FHIP1A: variants seen among roughly 807,000 people sequenced by gnomAD.
FHIP1A encodes FHF complex subunit HOOK interacting protein 1A.
In FHIP1A, 61 loss-of-function variants were observed where a neutral mutation model predicts 88.6. The ratio of observed to expected loss-of-function variants is 0.69; its 90% CI spans 0.56 to 0.85. The LOEUF is 0.85. Ranked by LOEUF, FHIP1A falls within the 40% of genes least tolerant of loss-of-function variation. FHIP1A has a pLI of 0.00. For missense variants in FHIP1A, 1,154 were observed against 1,273.5 expected (o/e 0.91, Z 1.43); for synonymous variants, 478 against 496.0 (o/e 0.96, Z 0.48).
chr4:151,491,653 C>T (rs1003139702), intron 3 of FHIP1A, among the ~76,000 whole-genome samples: 2 of 151,780 alleles, frequency 1.3e-5, no homozygotes, highest in African/African-American at 2.4e-5. Context: ...TCAATACTAA[C>T]GTTGAGCGTA....
At chr4:151,418,189 A>AAAAT (rs2126514877) in intron 1 of FHIP1A, among the ~76,000 whole-genome samples, 1 of 151,400 alleles carries the variant, frequency 6.6e-6, no homozygotes, top group East Asian at 1.9e-4. Context: ...AAAAAAAAAA[A>AAAAT]AAAAAACAAG....
intron 3 of FHIP1A, among the ~76,000 whole-genome samples, chr4:151,501,929 C>T (rs1032715191): frequency 2.6e-5 from 4 of 150,978 alleles, no homozygotes; most frequent in Non-Finnish European, 4.4e-5. Context: ...CAGAAATGGA[C>T]AGAAACTATC....
At position 151,588,942 on chromosome 4, in the gene FHIP1A, A is replaced by T; in HGVS notation, c.978+16A>T. ...TCTCCATAAGGTCAGTGATTGGCTC[A>T]TGTAATCTTCTGTCTCTATAATACA... On this transcript the variant is annotated intron_variant, in intron 7 of 13. Coordinates refer to ENST00000435205, the MANE Select transcript of FHIP1A (RefSeq NM_001109977.3). The T allele has an allele frequency of 6.8e-7, 1 of 1,477,846 alleles. No individual in the cohort carries two copies. The highest frequency in any genetic ancestry group is 1.2e-5 in the South Asian group (1 of 82,478). 91.5% of individuals were successfully genotyped at this position (1,477,846 alleles called of 1,614,324 possible).
chr4:151,644,891 G>T (rs200576108), intron 9 of FHIP1A, among the ~76,000 whole-genome samples: 1 of 152,146 alleles, frequency 6.6e-6, no homozygotes, highest in East Asian at 1.9e-4. Context: ...TTCACAGCTG[G>T]TGGGTTCACA....
intron 3 of FHIP1A, among the ~76,000 whole-genome samples, chr4:151,486,838 G>A (rs1459243886): frequency 6.6e-6 from 1 of 151,756 alleles, no homozygotes; most frequent in Non-Finnish European, 1.5e-5. Context: ...GTGGTGTCAG[G>A]CACCTGTAAT....
chr4:151,484,851 A>C (rs918606800), intron 3 of FHIP1A, among the ~76,000 whole-genome samples: 1 of 152,212 alleles, frequency 6.6e-6, no homozygotes, highest in Non-Finnish European at 1.5e-5. Flanking sequence ...AAAGAAGAGC[A>C]GTTATGGCAG....
chr4:151,433,028 A>G (rs143516647), intron 1 of FHIP1A, among the ~76,000 whole-genome samples: 27 of 152,220 alleles, frequency 1.8e-4, no homozygotes, highest in Non-Finnish European at 2.9e-4. Flanking sequence ...GGAAAGATAC[A>G]GCTTATTTTG....
At chr4:151,659,192 C>A (rs933406135) in intron 13 of FHIP1A, among the ~76,000 whole-genome samples, 2 of 152,174 alleles carry the variant, frequency 1.3e-5, no homozygotes, top group Non-Finnish European at 2.9e-5. Flanking sequence ...CTGTAAGAAT[C>A]TTCTCTCTGG....
intron 3 of FHIP1A, among the ~76,000 whole-genome samples, chr4:151,564,044 C>T (rs930035597): frequency 1.3e-5 from 2 of 152,178 alleles, no homozygotes; most frequent in African/African-American, 4.8e-5. Flanking sequence ...CTAGTAAGCT[C>T]ATGACATTGG....
chr4:151,653,810 T>G (rs1164311011), intron 11 of FHIP1A, among the ~76,000 whole-genome samples: 2 of 152,014 alleles, frequency 1.3e-5, no homozygotes, highest in East Asian at 3.9e-4. Flanking sequence ...ACAGGGGAAG[T>G]GCAGGAAGAG....
intron 7 of FHIP1A, among the ~76,000 whole-genome samples, chr4:151,595,270 A>T (rs1470648271): frequency 6.6e-6 from 1 of 152,114 alleles, no homozygotes; most frequent in African/African-American, 2.4e-5. Context: ...ATTCTGCCTT[A>T]ATTTCATTAT....
intron 1 of FHIP1A, among the ~76,000 whole-genome samples, chr4:151,418,585 T>G (rs1732988941): frequency 6.6e-6 from 1 of 152,216 alleles, no homozygotes; most frequent in South Asian, 2.1e-4. Context: ...TAACTCAACC[T>G]GCTGTTCTGA....
At chr4:151,519,227 C>T (rs1474616009) in intron 3 of FHIP1A, among the ~76,000 whole-genome samples, 1 of 152,170 alleles carries the variant, frequency 6.6e-6, no homozygotes, top group Non-Finnish European at 1.5e-5. Context: ...CCTTCTGACC[C>T]TTCCCAGTCA....
At chr4:151,573,749 G>C (rs190255989) in intron 4 of FHIP1A, among the ~76,000 whole-genome samples, 1 of 152,040 alleles carries the variant, frequency 6.6e-6, no homozygotes, top group Non-Finnish European at 1.5e-5. Context: ...GAAGGTAAAA[G>C]TTGGTATGTG....
intron 8 of FHIP1A, among the ~76,000 whole-genome samples, chr4:151,634,505 A>G (rs1160410360): frequency 1.3e-5 from 2 of 151,838 alleles, no homozygotes; most frequent in Non-Finnish European, 3.0e-5. Flanking sequence ...TTTCCTTAAA[A>G]CATATTACAA....
chr4:151,647,264 G>T (rs1429768535), intron 10 of FHIP1A, among the ~76,000 whole-genome samples: 2 of 152,168 alleles, frequency 1.3e-5, no homozygotes, highest in Admixed American at 1.3e-4. Context: ...ATGATACTTG[G>T]TGCTATTTGC....
intron 8 of FHIP1A, among the ~76,000 whole-genome samples, chr4:151,635,862 C>T (rs533453406): frequency 4.4e-4 from 67 of 151,888 alleles, no homozygotes; most frequent in Middle Eastern, 6.8e-3. Flanking sequence ...ATCATTAAGA[C>T]GTTAAATTTT....
Position 151,666,899 on chromosome 4 carries a change from C to T in FHIP1A, c.*4145C>T, listed in dbSNP as rs1737686181. ...GTAAACTGTCTTTATCTGGCTGCAC[C>T]CCCTTTTAAGTAAGCCCTTAATTTT... On this transcript the variant is annotated 3_prime_UTR_variant, in exon 14 of 14. Transcript: ENST00000435205. Among the ~76,000 whole-genome samples the T allele has an allele frequency of 6.6e-6, 1 of 152,106 alleles. No homozygotes were observed. The highest frequency in any genetic ancestry group is 2.4e-5 in the African/African-American group (1 of 41,412).
chr4:151,658,071 G>A (rs1002121071), intron 13 of FHIP1A, among the ~76,000 whole-genome samples: 6 of 152,202 alleles, frequency 3.9e-5, no homozygotes, highest in African/African-American at 1.4e-4. Flanking sequence ...CGGGCTTTGA[G>A]AAGAGCAGGC....
Sources: gnomAD v4.1 joint callset for allele counts (sites outside exome capture counted in the v4.1 genomes callset) on GRCh38, gnomAD v4.1.1 for gene constraint, MANE v1.5 for transcripts, NCBI Gene and HGNC (gene_info 2026-07-23, HGNC 2026-07-21) for gene names.